Variants in LARGE1 observed in about 807,000 individuals in gnomAD.
LARGE1 encodes LARGE xylosyl- and glucuronyltransferase 1.
Under a neutral mutation model 87.6 loss-of-function variants are expected in LARGE1, and 43 were observed. The observed-to-expected ratio is 0.49, with a 90% confidence interval of 0.38 to 0.63. The LOEUF is 0.63. Ranked by LOEUF, LARGE1 falls within the 30% of genes least tolerant of loss-of-function variation. The probability of loss-of-function intolerance (pLI) is 0.00; values close to 1 mark genes in which losing one functional copy is unlikely to be tolerated. For missense variants in LARGE1, 802 were observed against 1,000.2 expected, an observed-to-expected ratio of 0.80 and a Z score of 2.67; for synonymous variants, 434 against 394.6, an observed-to-expected ratio of 1.10 and a Z score of -1.18.
intron 2 of LARGE1, among the ~76,000 whole-genome samples, chr22:33,739,790 T>A (rs561317811): frequency 3.9e-5 from 6 of 152,290 alleles, no homozygotes; most frequent in East Asian, 1.9e-4. Flanking sequence ...CCTGATGAGA[T>A]GAGGCAGTTT....
chr22:33,124,074 G>A, the LARGE1 span, among the ~76,000 whole-genome samples: 2 of 152,260 alleles, frequency 1.3e-5, no homozygotes, highest in East Asian at 3.9e-4. Flanking sequence ...ATCACTTGAG[G>A]TCAGGAGCTC....
rs571044113 is a variant in LARGE1, at chr22:33,739,460, G to C, written c.106+21911C>G. ...ACCTACAGCTTTCAGCTGCGGTACT[G>C]TCCTGGTCTAATTTACCCTGCAGCC... On this transcript the variant is annotated intron_variant, in intron 2 of 14. Transcript: ENST00000397394. Among the ~76,000 whole-genome samples, 27 of 152,326 alleles carry C rather than the reference G, an allele frequency of 1.8e-4. No homozygotes were observed. The East Asian group carries it at 4.4e-3, about 25-fold the overall frequency.
the LARGE1 span, among the ~76,000 whole-genome samples, chr22:33,126,967 CTGT>C: frequency 4.9e-4 from 74 of 152,128 alleles, no homozygotes; most frequent in African/African-American, 1.7e-3. Context: ...GCTCTGTATT[CTGT>C]TATTTCATAG....
chr22:33,890,343 A>T (rs1392917749), intron 1 of LARGE1, among the ~76,000 whole-genome samples: 2 of 152,212 alleles, frequency 1.3e-5, no homozygotes, highest in African/African-American at 4.8e-5. Flanking sequence ...GAATTCATTC[A>T]TATAGAGGCT....
intron 3 of LARGE1, among the ~76,000 whole-genome samples, chr22:33,628,801 A>G (rs1221371984): frequency 1.6e-4 from 24 of 152,194 alleles, no homozygotes; most frequent in Admixed American, 1.5e-3. Flanking sequence ...TCCAACCCGC[A>G]GACATCTGCA....
intron 11 of LARGE1, among the ~76,000 whole-genome samples, chr22:33,266,236 T>TG (rs1164285475): frequency 6.7e-6 from 1 of 148,430 alleles, no homozygotes; most frequent in East Asian, 1.9e-4. Flanking sequence ...TTTTTTTTTT[T>TG]TTGAGATGGA....
intron 4 of LARGE1, among the ~76,000 whole-genome samples, chr22:33,619,554 C>CAA (rs553269111): frequency 1.7e-4 from 10 of 59,028 alleles, no homozygotes; most frequent in Middle Eastern, 0.01. Context: ...GACTCTGTCT[C>CAA]AAAAAAAAAA....
At chr22:33,110,330 G>C in the LARGE1 span, 6 of 152,250 alleles carry the variant, frequency 3.9e-5, no homozygotes, top group Admixed American at 2.6e-4. Flanking sequence ...CATCCTGCCA[G>C]CTGTAGGGAT....
chr22:33,442,326 G>A (rs778577517), intron 6 of LARGE1, among the ~76,000 whole-genome samples: 4 of 152,176 alleles, frequency 2.6e-5, no homozygotes, highest in Non-Finnish European at 5.9e-5. Context: ...AAACAGGCAC[G>A]CTCTTGGCCC....
chr22:33,796,333 C>T (rs2085981129), intron 1 of LARGE1, among the ~76,000 whole-genome samples: 1 of 152,144 alleles, frequency 6.6e-6, no homozygotes, highest in Non-Finnish European at 1.5e-5. Flanking sequence ...GCTAGGGATT[C>T]AGAATATCAG....
At chr22:33,086,634 C>G in the LARGE1 span, among the ~76,000 whole-genome samples, 1 of 149,906 alleles carries the variant, frequency 6.7e-6, no homozygotes, top group African/African-American at 2.5e-5. Flanking sequence ...CTCATTGCAA[C>G]CTCTGCCTCC....
At chr22:33,471,219 A>AT (rs2068829211) in intron 6 of LARGE1, among the ~76,000 whole-genome samples, 1 of 151,640 alleles carries the variant, frequency 6.6e-6, no homozygotes. Context: ...GTTGAGATAT[A>AT]TTTTTAGCAG....
At chr22:33,396,874 T>G (rs1361748257) in intron 7 of LARGE1, among the ~76,000 whole-genome samples, 1 of 152,246 alleles carries the variant, frequency 6.6e-6, no homozygotes, top group African/African-American at 2.4e-5. Flanking sequence ...ACAAACGGTT[T>G]GGTGGCTGGC....
chr22:33,514,484 C>T (rs571414182), intron 6 of LARGE1, among the ~76,000 whole-genome samples: 5 of 152,008 alleles, frequency 3.3e-5, no homozygotes, highest in East Asian at 1.9e-4. Flanking sequence ...TAAAAATAAA[C>T]GAAAGTAACA....
At chr22:33,644,192 A>C (rs1234861007) in intron 3 of LARGE1, among the ~76,000 whole-genome samples, 1 of 152,234 alleles carries the variant, frequency 6.6e-6, no homozygotes, top group Admixed American at 6.5e-5. Context: ...ATCCAGCAGC[A>C]CATTAAAAAG....
rs2077711379 is a variant in LARGE1 at position 33,557,029 on chromosome 22, T to C, written c.787+7819A>G. On this transcript the variant is annotated intron_variant, in intron 6 of 14. Transcript: ENST00000397394. ...CGAACAAACAAACAACCCTGAGACA[T>C]ACAAAGAAAAGAAGGGAACTATCAC... Among the ~76,000 whole-genome samples the C allele has an allele frequency of 2.6e-5, 4 of 152,038 alleles. No individual in the cohort carries two copies. The South Asian group carries it at 8.3e-4, about 32-fold the overall frequency.
At chr22:33,670,476 T>C (rs918831657) in intron 2 of LARGE1, among the ~76,000 whole-genome samples, 5 of 151,780 alleles carry the variant, frequency 3.3e-5, no homozygotes, top group Non-Finnish European at 7.4e-5. Flanking sequence ...CTTAGAACCA[T>C]GGTTCCCAAA....
At chr22:33,353,257 A>C (rs1337771775) in intron 9 of LARGE1, among the ~76,000 whole-genome samples, 1 of 152,258 alleles carries the variant, frequency 6.6e-6, no homozygotes, top group Non-Finnish European at 1.5e-5. Context: ...ATGATGTTTA[A>C]AGTCTTGTGA....
chr22:33,492,331 G>A (rs1158105368), intron 6 of LARGE1, among the ~76,000 whole-genome samples: 4 of 152,178 alleles, frequency 2.6e-5, no homozygotes, highest in African/African-American at 9.7e-5. Context: ...CGTCTGCTCT[G>A]TGCACAACAT....
Sources: allele counts gnomAD v4.1 joint callset (sites outside exome capture counted in the v4.1 genomes callset), GRCh38; gene constraint gnomAD v4.1.1; transcripts MANE v1.5; gene names NCBI Gene and HGNC (gene_info 2026-07-23, HGNC 2026-07-21).